Variants in EIPR1 observed in about 807,000 individuals in gnomAD.
EIPR1 encodes EARP complex and GARP complex interacting protein 1.
A neutral mutation model predicts 48.1 loss-of-function variants in EIPR1; 25 were observed. The observed-to-expected ratio is 0.52, with a 90% CI of 0.38 to 0.73. EIPR1 has a LOEUF of 0.73. Ranked by LOEUF, EIPR1 falls within the 30% of genes least tolerant of loss-of-function variation. The pLI, the probability that EIPR1 is intolerant of heterozygous loss-of-function variation, is 0.00. For synonymous variants in EIPR1, 204 were observed against 201.9 expected (o/e 1.01, Z -0.09); for missense variants, 415 against 506.2 (o/e 0.82, Z 1.73).
At chr2:3,256,665 G>A (rs1046164061) in intron 4 of EIPR1, among the ~76,000 whole-genome samples, 34 of 152,144 alleles carry the variant, frequency 2.2e-4, no homozygotes, top group African/African-American at 5.3e-4. Flanking sequence ...GTATGCCCCC[G>A]CAATCTCCTT....
intron 5 of EIPR1, among the ~76,000 whole-genome samples, chr2:3,212,881 C>T (rs1665505531): frequency 6.6e-6 from 1 of 152,190 alleles, no homozygotes; most frequent in Non-Finnish European, 1.5e-5. Flanking sequence ...TCTGGGTGAA[C>T]GCCCAACACT....
intron 2 of EIPR1, chr2:3,353,415 G>C (rs543621779): frequency 4.0e-5 from 17 of 420,982 alleles, no homozygotes; most frequent in African/African-American, 3.3e-4. Context: ...ATCATCTAAC[G>C]ATTCTTAAGT....
intron 3 of EIPR1, among the ~76,000 whole-genome samples, chr2:3,297,233 C>A (rs1036753265): frequency 6.6e-6 from 1 of 152,104 alleles, no homozygotes; most frequent in South Asian, 2.1e-4. Context: ...AATCCGACTA[C>A]GGAATAAAGA....
intron 3 of EIPR1, among the ~76,000 whole-genome samples, chr2:3,258,564 G>A (rs1291429867): frequency 6.6e-6 from 1 of 152,128 alleles, no homozygotes; most frequent in Admixed American, 6.5e-5. Flanking sequence ...AAATAACAAC[G>A]ACCTTAGGTT....
At chr2:3,268,949 CA>C (rs763169879) in intron 3 of EIPR1, among the ~76,000 whole-genome samples, 12 of 152,206 alleles carry the variant, frequency 7.9e-5, no homozygotes, top group Non-Finnish European at 1.3e-4. Flanking sequence ...CCCACAGTGT[CA>C]GGGGTGAACA....
chr2:3,257,243 T>G, intron 4 of EIPR1, 56 bp downstream of exon 4: 1 of 1,568,934 alleles, frequency 6.4e-7, no homozygotes, highest in Non-Finnish European at 8.7e-7. Context: ...CACAAGCTCC[T>G]GCACCTGGCC....
chr2:3,218,769 CTA>C (rs1268847742), intron 4 of EIPR1, among the ~76,000 whole-genome samples: 1 of 151,118 alleles, frequency 6.6e-6, no homozygotes, highest in Non-Finnish European at 1.5e-5. Context: ...CTGATACACT[CTA>C]GAGCGTTCAC....
Position 3,269,480 on chromosome 2 carries a change from G to GCACTCAA in EIPR1, c.260-12026_260-12025insTTGAGTG, listed in dbSNP as rs1667618570. Among the ~76,000 whole-genome samples the GCACTCAA allele has an allele frequency of 6.4e-5, 2 of 31,230 alleles. 1 individual carries two copies. The highest frequency in any genetic ancestry group is 1.1e-4 in the Non-Finnish European group (2 of 17,600). 20.5% of individuals were successfully genotyped at this position (31,230 alleles called of 152,430 possible). On this transcript the variant is annotated intron_variant, in intron 3 of 8. Transcript: ENST00000382125. ...TCACCACACTCAGTCATCGCACTCAGTCATCGCACTCAATCATCGCACTCA... is the reference window on the plus strand; with the variant it reads ...TCACCACACTCAGTCATCGCACTCAGCACTCAATCATCGCACTCAATCATCGCACTCA...
intron 4 of EIPR1, among the ~76,000 whole-genome samples, chr2:3,214,872 T>C (rs944437542): frequency 2.0e-5 from 3 of 152,052 alleles, no homozygotes; most frequent in African/African-American, 4.8e-5. Flanking sequence ...TGGGAGGTGA[T>C]TAGGGTTAGA....
intron 1 of EIPR1, among the ~76,000 whole-genome samples, chr2:3,368,040 C>A (rs566591442): frequency 6.6e-6 from 1 of 152,122 alleles, no homozygotes; most frequent in Non-Finnish European, 1.5e-5. Flanking sequence ...GCGACTCTGT[C>A]TCAAAAAAAG....
intron 3 of EIPR1, among the ~76,000 whole-genome samples, chr2:3,264,549 T>C (rs993754000): frequency 1.3e-5 from 2 of 152,150 alleles, no homozygotes; most frequent in East Asian, 1.9e-4. Flanking sequence ...GGAGGCTTCC[T>C]CCGGGCAGGA....
chr2:3,338,614 G>T (rs1488707104), intron 2 of EIPR1, among the ~76,000 whole-genome samples: 2 of 152,188 alleles, frequency 1.3e-5, no homozygotes, highest in Non-Finnish European at 2.9e-5. Context: ...TCTGTCTATA[G>T]TGGGCAGAAC....
Position 3,286,601 on chromosome 2 carries a change from G to A in EIPR1, c.260-29146C>T, listed in dbSNP as rs560860609. ...CATAAGCACTTGTCATATGTCATATGCAGTGTGCTCCAGGGGAGCAGGGGA... is the reference window on the plus strand; with the variant it reads ...CATAAGCACTTGTCATATGTCATATACAGTGTGCTCCAGGGGAGCAGGGGA... On this transcript the variant is annotated intron_variant, in intron 3 of 8. Transcript: ENST00000382125. This position sits in a 1 kb window ranked among gnomAD's most constrained non-coding sequence, Gnocchi z 4.2. 2.6e-5 allele frequency among the ~76,000 whole-genome samples: 4 copies of A among 152,232 alleles called. No homozygotes were observed. The highest frequency in any genetic ancestry group is 5.9e-5 in the Non-Finnish European group (4 of 68,036).
chr2:3,274,507 A>G (rs888581022), intron 3 of EIPR1: 2 of 1,435,914 alleles, frequency 1.4e-6, no homozygotes, highest in Non-Finnish European at 9.2e-7. Context: ...ATGAGACCCT[A>G]CTTGGGGTAT....
At chr2:3,255,217 C>T (rs1322308613) in intron 4 of EIPR1, among the ~76,000 whole-genome samples, 4 of 149,132 alleles carry the variant, frequency 2.7e-5, no homozygotes, top group Middle Eastern at 3.4e-3. Flanking sequence ...GACGGAGTCT[C>T]TCTCACCCAG....
At position 3,317,337 on chromosome 2, in the gene EIPR1, A is replaced by T. The variant is rs539563622; in HGVS notation, c.259+20680T>A. On this transcript the variant is annotated intron_variant, in intron 3 of 8. Coordinates refer to ENST00000382125, the MANE Select transcript of EIPR1 (RefSeq NM_003310.5). ...GCTGAGGGCCTACTGTGTGCCTCGC[A>T]CGCGGGGTGGAGCATGGAGCCCCAG... is the stretch of plus-strand genomic sequence containing the variant. Among the ~76,000 whole-genome samples, 7 of 151,764 alleles carry T rather than the reference A, an allele frequency of 4.6e-5. No individual in the cohort carries two copies. In the East Asian group the frequency reaches 1.4e-3, roughly 30 times the overall value.
At chr2:3,358,009 T>C (rs534861580) in intron 1 of EIPR1, among the ~76,000 whole-genome samples, 73 of 152,326 alleles carry the variant, frequency 4.8e-4, no homozygotes, top group African/African-American at 1.7e-3. Context: ...ACTACGTTTA[T>C]GGGAATTTGT....
rs142038722 is a variant in EIPR1 at position 3,194,623 on chromosome 2, T to C, written c.654-457A>G. ...ATAGTGTTGGGAAATTTTATATATA[T>C]ATACATACATACACATACAACACAA... On this transcript the variant is annotated intron_variant, in intron 6 of 8. Transcript: ENST00000382125. Among the ~76,000 whole-genome samples, 45 of 150,468 alleles carry C rather than the reference T, an allele frequency of 3.0e-4. No individual in the cohort carries two copies. The East Asian group carries it at 7.7e-3, about 26-fold the overall frequency.
Position 3,196,891 on chromosome 2 carries a change from G to C in EIPR1, c.643C>G (p.Arg215Gly), listed in dbSNP as rs772375874. The change falls in exon 6 of 9, where the codon CGG becomes GGG. Residue 215 changes from arginine to glycine, a missense_variant. Coordinates refer to ENST00000382125, the MANE Select transcript of EIPR1 (RefSeq NM_003310.5). ...NDTTLRGWDT[R>G]SMSQIYCIEN... ...GGTGGGCTCACTGACCTCATGCTCC[G>C]GGTGTCCCAGCCACGGAGGGTGGTG... is the stretch of plus-strand genomic sequence containing the variant. The C allele has an allele frequency of 6.2e-7, 1 of 1,613,304 alleles. No individual in the cohort carries two copies. The highest frequency in any genetic ancestry group is 2.2e-5 in the East Asian group (1 of 44,750).
Sources: gnomAD v4.1 joint callset for allele counts (sites outside exome capture counted in the v4.1 genomes callset) on GRCh38, gnomAD v4.1.1 for gene constraint, Gnocchi (gnomAD v3.1) non-coding constraint, MANE v1.5 for transcripts, NCBI Gene and HGNC (gene_info 2026-07-23, HGNC 2026-07-21) for gene names.